C1QBP: variants seen among roughly 807,000 people sequenced by gnomAD.
C1QBP encodes the protein complement component 1 Q subcomponent-binding protein, mitochondrial.
In C1QBP, 24 loss-of-function variants were observed where a neutral mutation model predicts 29.4. The observed-to-expected ratio is 0.82, with a 90% CI of 0.59 to 1.15. The LOEUF is 1.15. Ranked by LOEUF, C1QBP falls within the 50% of genes most tolerant of loss-of-function variation. The pLI, the probability that C1QBP is intolerant of heterozygous loss-of-function variation, is 0.00. For missense variants in C1QBP, 337 were observed against 355.8 expected, an observed-to-expected ratio of 0.95 and a Z score of 0.43; for synonymous variants, 182 against 149.2, an observed-to-expected ratio of 1.22 and a Z score of -1.60.
In C1QBP at chr17:5,439,108, G is replaced by C. The variant is rs1024133318; in HGVS notation, c.-35C>G. 6.5e-6 allele frequency: 10 copies of C among 1,539,032 alleles called. No individual in the cohort carries two copies. The highest frequency in any genetic ancestry group is 6.1e-6 in the Non-Finnish European group (7 of 1,142,650). The stretch of plus-strand genomic sequence containing the variant: ...GACTGCGAACACGTGCAGATGCAAA[G>C]GACAACCCAGGCCTAGGCGCCCCGC... On this transcript the variant is annotated 5_prime_UTR_variant, in exon 1 of 6. Coordinates refer to ENST00000225698, the MANE Select transcript of C1QBP (RefSeq NM_001212.4).
chr17:5,434,462 CTCTTTT>C (rs1462364593), intron 3 of C1QBP, among the ~76,000 whole-genome samples: 2 of 108,134 alleles, frequency 1.8e-5, no homozygotes, highest in East Asian at 6.8e-4. Context: ...CATTCTCTCT[CTCTTTT>C]TTTTTTTTTT....
rs565081389 is a variant in C1QBP at position 5,435,744 on chromosome 17, T to C, written c.384-778A>G. On this transcript the variant is annotated intron_variant, in intron 2 of 5. Transcript: ENST00000225698. ...AGGCACCATTCCACACAAGAGTACA[T>C]GAAGGCTGGGCGCAGTGGCTCACGC... Among the ~76,000 whole-genome samples, 65 of 151,816 alleles carry C rather than the reference T, an allele frequency of 4.3e-4. No individual in the cohort carries two copies. In the Middle Eastern group the frequency reaches 0.01, roughly 24 times the overall value.
Position 5,438,152 on chromosome 17 carries a change from C to T in C1QBP, c.354G>A (p.Ala118=), listed in dbSNP as rs1916325977. 2.5e-6 allele frequency: 4 copies of T among 1,612,534 alleles called. No homozygotes were observed. Among genetic ancestry groups the T allele is most frequent in the Non-Finnish European group, 3.4e-6 (4 of 1,180,000 alleles). Residue 118 remains alanine, a synonymous_variant, in exon 2 of 6, where the codon GCG becomes GCA. Transcript: ENST00000225698. ...CCCCGGCAACTTTCCGCACTAATTT[C>T]GCTTCTGTCCCATTCAGTTCCAGCT... ...GWELELNGTE[A]KLVRKVAGEK...
At chr17:5,434,561 G>A (rs1412492337) in intron 3 of C1QBP, 2 of 177,266 alleles carry the variant, frequency 1.1e-5, no homozygotes, top group East Asian at 1.5e-4. Context: ...TCTGCCTCCC[G>A]GGTTCAAGCG....
Position 5,439,043 on chromosome 17 carries a change from C to T in C1QBP, c.31G>A (p.Val11Met), listed in dbSNP as rs1311099223. Residue 11 changes from valine to methionine, a missense_variant, in exon 1 of 6, where the codon GTG becomes ATG. By Grantham distance (21) the Val-to-Met change is conservative. Coordinates refer to ENST00000225698, the MANE Select transcript of C1QBP (RefSeq NM_001212.4). MLPLLRCVPRVLGSSVAGLRA... is the reference protein window; with the variant it reads MLPLLRCVPRMLGSSVAGLRA... ...AGGCCGGCGACGGAGGAGCCCAGCACACGGGGCACGCAGCGCAGCAGAGGC... is the reference window on the plus strand; with the variant it reads ...AGGCCGGCGACGGAGGAGCCCAGCATACGGGGCACGCAGCGCAGCAGAGGC... 1 of 1,527,182 alleles carries T rather than the reference C, an allele frequency of 6.5e-7. No individual in the cohort carries two copies. 94.6% of individuals were successfully genotyped at this position (1,527,182 alleles called of 1,614,324 possible). A position where few individuals can be genotyped will look rare whatever the true frequency, so the allele number is the denominator to read the frequency against.
rs987737535 is a variant in C1QBP at position 5,433,566 on chromosome 17, G to C, written c.576+103C>G. The C allele has an allele frequency of 6.3e-5, 96 of 1,525,736 alleles. No individual in the cohort carries two copies. The Admixed American group carries it at 7.9e-4, about 13-fold the overall frequency. The allele number at this position is 1,525,736 out of a possible 1,614,324, so 94.5% of individuals were successfully genotyped here. On this transcript the variant is annotated intron_variant, in intron 4 of 5. Transcript: ENST00000225698. The stretch of plus-strand genomic sequence containing the variant: ...CTCTCCCCCTGCTGGGCTGGTCTAA[G>C]CTAGAAAAGTGTTTAAATTTCTGCT...
Position 5,433,397 on chromosome 17 carries a change from C to T in C1QBP, c.595G>A (p.Ala199Thr). The change falls in exon 5 of 6, where the codon GCT (alanine) becomes ACT (threonine). Residue 199 changes from alanine (A) to threonine (T), a missense_variant. Ala to Thr is a moderately conservative substitution (Grantham distance 58). Transcript: ENST00000225698. ...PEDEVGQEDE[A>T]ESDIFSIREV... ...CTGATAGAGAAGATGTCACTCTCAG[C>T]CTCGTCTTCTTGTCCAACCTGAGAA... 1 of 1,614,068 alleles carries T rather than the reference C, an allele frequency of 6.2e-7. No homozygotes were observed. Among genetic ancestry groups the T allele is most frequent in the African/African-American group, 1.3e-5 (1 of 75,008 alleles).
Position 5,432,834 on chromosome 17 carries a change from A to G in C1QBP, c.*181T>C. On this transcript the variant is annotated 3_prime_UTR_variant, in exon 6 of 6. Transcript: ENST00000225698. ...TGTTATACAAAAATCTAGAAATAAT[A>G]GATTTGTACAGAAAAAAATGATAAT... The G allele has an allele frequency of 1.1e-6, 1 of 907,324 alleles. No individual in the cohort carries two copies. Among genetic ancestry groups the G allele is most frequent in the East Asian group, 2.7e-5 (1 of 36,594 alleles). The allele number at this position is 907,324 out of a possible 1,614,324, so 56.2% of individuals were successfully genotyped here.
chr17:5,438,792 G>T (rs1240959057), intron 1 of C1QBP, 50 bp downstream of exon 1: 2 of 1,545,864 alleles, frequency 1.3e-6, no homozygotes, highest in South Asian at 2.4e-5. Flanking sequence ...CCTGGTCTAC[G>T]TTTTCCCTCT....
chr17:5,434,934 A>G lies in C1QBP; in HGVS notation c.416T>C (p.Ile139Thr). The change falls in exon 3 of 6, where the codon ATC becomes ACC. Residue 139 changes from isoleucine (I) to threonine (T), a missense_variant. Physicochemically the swap from Ile to Thr is moderately conservative, Grantham distance 89. Transcript: ENST00000225698. ...ITVTFNINNS[I>T]PPTFDGEEEP... The stretch of plus-strand genomic sequence containing the variant: ...CTCCTCACCATCAAATGTTGGTGGG[A>G]TGCTGTTGTTAATGTTGAAAGTGAC... The G allele has an allele frequency of 6.2e-7, 1 of 1,614,130 alleles. No individual in the cohort carries two copies. Among genetic ancestry groups the G allele is most frequent in the Non-Finnish European group, 8.5e-7 (1 of 1,179,980 alleles).
chr17:5,434,049 C>T, intron 3 of C1QBP: 1 of 450,618 alleles, frequency 2.2e-6, no homozygotes, highest in Non-Finnish European at 4.1e-6. Context: ...ACATTCCAAG[C>T]CTTTTCCTCC....
chr17:5,434,418 G>C (rs1451821090), intron 3 of C1QBP, among the ~76,000 whole-genome samples: 3 of 151,356 alleles, frequency 2.0e-5, no homozygotes, highest in African/African-American at 7.3e-5. Flanking sequence ...TTGAAGAGTA[G>C]GCATGATCCA....
intron 3 of C1QBP, 85 bp downstream of exon 3, chr17:5,434,785 TGAA>T: frequency 8.1e-7 from 1 of 1,239,506 alleles, no homozygotes; most frequent in Admixed American, 2.1e-5. Context: ...TTTTTTTTTT[TGAA>T]AGACCAAAGA....
intron 1 of C1QBP, 64 bp downstream of exon 1, chr17:5,438,778 T>C (rs2151678189): frequency 6.5e-7 from 1 of 1,544,724 alleles, no homozygotes; most frequent in Non-Finnish European, 8.7e-7. Flanking sequence ...TTGCAGGCCC[T>C]ATTCCTGGTC....
chr17:5,434,655 A>G, intron 3 of C1QBP: 1 of 332,496 alleles, frequency 3.0e-6, no homozygotes, highest in Non-Finnish European at 5.8e-6. Context: ...TTTAGTAGAG[A>G]CGGGGTTTCA....
rs1162441929 is a variant in C1QBP at position 5,438,999 on chromosome 17, G to A, written c.75C>T (p.Ala25=). The A allele has an allele frequency of 1.4e-6, 2 of 1,479,612 alleles. No individual in the cohort carries two copies. The highest frequency in any genetic ancestry group is 2.3e-5 in the Admixed American group (1 of 43,938). The allele number at this position is 1,479,612 out of a possible 1,614,324, so 91.7% of individuals were successfully genotyped here. ...GCTGCAGGAGCTGCCGGAAAGGCGA[G>A]GCGGGCGCGGCAGCGCGGAGGCCGG... ...SVAGLRAAAP[A]SPFRQLLQPA... is the part of the protein sequence containing the mutation. The change falls in exon 1 of 6, where the codon GCC becomes GCT. Residue 25 remains alanine (A), a synonymous_variant. Coordinates refer to ENST00000225698, the MANE Select transcript of C1QBP (RefSeq NM_001212.4).
At chr17:5,435,190 G>A (rs1916237836) in intron 2 of C1QBP, among the ~76,000 whole-genome samples, 1 of 152,198 alleles carries the variant, frequency 6.6e-6, no homozygotes, top group Non-Finnish European at 1.5e-5. Context: ...CCATGTACCA[G>A]CTGCTGGAAG....
At chr17:5,434,829 G>A in intron 3 of C1QBP, 44 bp downstream of exon 3, 1 of 1,548,232 alleles carries the variant, frequency 6.5e-7, no homozygotes. Flanking sequence ...CCCAGGCACA[G>A]CCTGTCAGAA....
rs1050456 is a variant in C1QBP, at chr17:5,432,868, A to G, written c.*147T>C. The G allele has an allele frequency of 0.25, 254,369 of 1,003,352 alleles. 41,533 individuals carry two copies. The highest frequency in any genetic ancestry group is 0.8 in the East Asian group (29,922 of 37,592). 62.2% of individuals were successfully genotyped at this position (1,003,352 alleles called of 1,614,324 possible). A position where few individuals can be genotyped will look rare whatever the true frequency, so the allele number is the denominator to read the frequency against. The stretch of plus-strand genomic sequence containing the variant: ...CAGAAAAAAATGATAATAAATGAGA[A>G]CACAAAACATATAATTTAAATTTGG... On this transcript the variant is annotated 3_prime_UTR_variant, in exon 6 of 6. Coordinates refer to ENST00000225698, the MANE Select transcript of C1QBP (RefSeq NM_001212.4).
Sources: allele counts gnomAD v4.1 joint callset (sites outside exome capture counted in the v4.1 genomes callset), GRCh38; gene constraint gnomAD v4.1.1; transcripts MANE v1.5; gene names NCBI Gene and HGNC (gene_info 2026-07-23, HGNC 2026-07-21).